Variants in EYS observed in about 807,000 individuals in gnomAD.
EYS encodes the protein protein eyes shut homolog.
EYS carries 250 observed loss-of-function variants against 282.1 expected under a neutral mutation model. That is an observed-to-expected ratio of 0.89 (90% CI 0.80 to 0.98). EYS has a LOEUF of 0.98. Among genes scored for constraint, EYS ranks in the 50% least tolerant of loss-of-function variants. The pLI, the probability that EYS is intolerant of heterozygous loss-of-function variation, is 0.00. For missense variants in EYS, 4,016 were observed against 3,709.0 expected (o/e 1.08, Z -2.15); for synonymous variants, 1,355 against 1,282.9 (o/e 1.06, Z -1.20).
chr6:65,067,358 T>C (rs1291526547), intron 12 of EYS, among the ~76,000 whole-genome samples: 2 of 151,772 alleles, frequency 1.3e-5, no homozygotes, highest in Non-Finnish European at 2.9e-5. Flanking sequence ...ACACAAACAG[T>C]AAAGGATAAA....
chr6:65,000,778 A>C (rs917764883), intron 13 of EYS, among the ~76,000 whole-genome samples: 2 of 152,250 alleles, frequency 1.3e-5, no homozygotes, highest in African/African-American at 4.8e-5. Context: ...ACTCCATTAA[A>C]AAACAAACAA....
intron 15 of EYS, among the ~76,000 whole-genome samples, chr6:64,913,218 G>A (rs1319331724): frequency 2.0e-5 from 3 of 152,044 alleles, no homozygotes; most frequent in Non-Finnish European, 4.4e-5. Context: ...TTGTGTGTGT[G>A]TTGAATCACT....
chr6:64,226,077 C>A (rs939303504), intron 31 of EYS, among the ~76,000 whole-genome samples: 4 of 152,092 alleles, frequency 2.6e-5, no homozygotes, highest in Non-Finnish European at 4.4e-5. Flanking sequence ...AGAGATAAAT[C>A]TCTGTTGTAA....
intron 12 of EYS, among the ~76,000 whole-genome samples, chr6:65,167,110 C>A (rs1384737508): frequency 6.6e-6 from 1 of 151,072 alleles, no homozygotes; most frequent in Non-Finnish European, 1.5e-5. Flanking sequence ...AATGGTAATG[C>A]ACTTTGGAAC....
chr6:65,576,960 GAATA>G (rs1253424826), intron 2 of EYS, among the ~76,000 whole-genome samples: 3 of 151,732 alleles, frequency 2.0e-5, no homozygotes, highest in Non-Finnish European at 4.4e-5. Flanking sequence ...TCATGGATTA[GAATA>G]ATTAATATTG....
In EYS at chr6:65,298,883, T is replaced by C. The variant is rs543874232; in HGVS notation, c.1767-2764A>G. Among the ~76,000 whole-genome samples the C allele has an allele frequency of 2.7e-4, 41 of 152,150 alleles. No individual in the cohort carries two copies. The South Asian group carries it at 8.1e-3, about 30-fold the overall frequency. On this transcript the variant is annotated intron_variant, in intron 11 of 42. Transcript: ENST00000503581. ...GGTTGCAAATATTCTATTATATGAA[T>C]GTACCATAATATTTCACCCTCAGAA...
intron 13 of EYS, among the ~76,000 whole-genome samples, chr6:65,042,885 A>G (rs890165405): frequency 6.6e-6 from 1 of 151,242 alleles, no homozygotes; most frequent in Non-Finnish European, 1.5e-5. Context: ...TTTACGAGAT[A>G]CTTTAAAACT....
chr6:64,940,206 T>C (rs1769043921), intron 15 of EYS, among the ~76,000 whole-genome samples: 1 of 152,040 alleles, frequency 6.6e-6, no homozygotes. Flanking sequence ...TTTATTTAGA[T>C]ATCCCTGTGG....
intron 22 of EYS, among the ~76,000 whole-genome samples, chr6:64,773,713 T>G (rs771742036): frequency 9.9e-5 from 15 of 152,078 alleles, no homozygotes; most frequent in South Asian, 2.1e-4. Context: ...GATTTGCATC[T>G]CTCTAATGAT....
At chr6:64,371,121 A>T (rs1269912317) in intron 29 of EYS, among the ~76,000 whole-genome samples, 2 of 151,742 alleles carry the variant, frequency 1.3e-5, no homozygotes, top group Non-Finnish European at 2.9e-5. Flanking sequence ...TGTTTATTTG[A>T]GATCTTCCTA....
chr6:65,073,266 A>G (rs886427867), intron 12 of EYS, among the ~76,000 whole-genome samples: 3 of 151,862 alleles, frequency 2.0e-5, no homozygotes, highest in African/African-American at 7.2e-5. Flanking sequence ...TTAAATACTT[A>G]AGAATATTTA....
chr6:65,027,600 G>A (rs920097618), intron 13 of EYS, among the ~76,000 whole-genome samples: 1 of 152,172 alleles, frequency 6.6e-6, no homozygotes, highest in East Asian at 1.9e-4. Context: ...CTGATCTGCT[G>A]TCTGTCCTGA....
At chr6:65,593,454 C>A (rs1025947641) in intron 2 of EYS, among the ~76,000 whole-genome samples, 1 of 151,998 alleles carries the variant, frequency 6.6e-6, no homozygotes, top group African/African-American at 2.4e-5. Context: ...GCTTTTAATA[C>A]CACTACATAT....
intron 21 of EYS, among the ~76,000 whole-genome samples, chr6:64,818,394 G>C (rs980590366): frequency 6.6e-6 from 1 of 152,070 alleles, no homozygotes; most frequent in Non-Finnish European, 1.5e-5. Flanking sequence ...GGTTTCTCTA[G>C]AGAAACAGGA....
At chr6:64,178,998 C>A (rs180685833) in intron 31 of EYS, among the ~76,000 whole-genome samples, 22 of 152,002 alleles carry the variant, frequency 1.4e-4, no homozygotes, top group Admixed American at 1.4e-3. Context: ...TAATAGTCAG[C>A]TTTTAGAATT....
intron 13 of EYS, among the ~76,000 whole-genome samples, chr6:65,005,331 C>T (rs766934559): frequency 2.0e-5 from 3 of 147,728 alleles, no homozygotes; most frequent in South Asian, 2.2e-4. Flanking sequence ...CCATGACCCA[C>T]GGCTTCTAAT....
intron 11 of EYS, among the ~76,000 whole-genome samples, chr6:65,315,908 T>C (rs571210322): frequency 1.3e-5 from 2 of 149,750 alleles, no homozygotes; most frequent in Admixed American, 6.7e-5. Context: ...TACATATCCA[T>C]GTCAGCAGTT....
intron 34 of EYS, among the ~76,000 whole-genome samples, chr6:63,991,493 T>A (rs779218956): frequency 6.6e-6 from 1 of 151,504 alleles, no homozygotes; most frequent in Admixed American, 6.6e-5. Flanking sequence ...AGTGAAACTA[T>A]CAAAAAAGAG....
At chr6:64,088,675 T>C (rs1772246642) in intron 31 of EYS, among the ~76,000 whole-genome samples, 1 of 152,008 alleles carries the variant, frequency 6.6e-6, no homozygotes, top group Non-Finnish European at 1.5e-5. Flanking sequence ...GTAGTATGAA[T>C]CAGGGCCACT....
Sources: gnomAD v4.1 joint callset for allele counts (sites outside exome capture counted in the v4.1 genomes callset) on GRCh38, gnomAD v4.1.1 for gene constraint, MANE v1.5 for transcripts, NCBI Gene and HGNC (gene_info 2026-07-23, HGNC 2026-07-21) for gene names.